The following RPSA variants were observed in gnomAD, a reference collection of about 807,000 sequenced individuals.
RPSA encodes the protein small ribosomal subunit protein uS2.
For synonymous variants in RPSA, 103 were observed against 126.7 expected (o/e 0.81, Z 1.25); for missense variants, 140 against 372.8 (o/e 0.38, Z 5.14).
Position 39,408,661 on chromosome 3 carries a change from T to A in RPSA, c.189T>A (p.Arg63=), listed in dbSNP as rs2125592401. The change falls in exon 3 of 7, where the codon CGT becomes CGA. Residue 63 remains arginine, a synonymous_variant. Coordinates refer to ENST00000301821, the MANE Select transcript of RPSA (RefSeq NM_002295.6). ...RTWEKLLLAA[R]AIVAIENPAD... is the part of the protein sequence containing the mutation. ...GGGAGAAGCTTCTGCTGGCAGCTCG[T>A]GCAATTGTTGCCATTGAAAACCCTG... is the stretch of plus-strand genomic sequence containing the variant. 3 of 1,613,796 alleles carry A rather than the reference T, an allele frequency of 1.9e-6. No homozygotes were observed. In the African/African-American group the frequency reaches 4.0e-5, roughly 22 times the overall value.
intron 3 of RPSA, 43 bp downstream of exon 3, chr3:39,408,767 C>T (rs765243939): frequency 9.2e-7 from 1 of 1,083,176 alleles, no homozygotes; most frequent in Non-Finnish European, 1.4e-6. Flanking sequence ...AGAAATAAAG[C>T]TTACAGACAT....
At chr3:39,408,505 A>G (rs777216757) in intron 2 of RPSA, 101 bp from the exon 3 acceptor site, 17 of 802,706 alleles carry the variant, frequency 2.1e-5, no homozygotes, top group Non-Finnish European at 3.4e-5. Context: ...GCTTGCCTCT[A>G]TGACTGGAGT....
At chr3:39,407,547 T>C (rs1281333829) in intron 1 of RPSA, 74 bp from the exon 2 acceptor site, 1 of 1,093,056 alleles carries the variant, frequency 9.1e-7, no homozygotes, top group African/African-American at 1.5e-5. Context: ...CAGATGGAGT[T>C]TTTGGTTGCT....
intron 2 of RPSA, chr3:39,408,289 A>T: frequency 4.0e-6 from 2 of 505,838 alleles, no homozygotes; most frequent in Non-Finnish European, 3.7e-6. Context: ...TATAAAAGGG[A>T]AAGAGTGGCA....
At position 39,410,367 on chromosome 3, in the gene RPSA, G is replaced by C. The variant is rs1193665892; in HGVS notation, c.253-387G>C. 3.6e-5 allele frequency: 9 copies of C among 250,500 alleles called. No individual in the cohort carries two copies. In the East Asian group the frequency reaches 7.9e-4, roughly 22 times the overall value. 15.5% of individuals were successfully genotyped at this position (250,500 alleles called of 1,614,324 possible). On this transcript the variant is annotated intron_variant, in intron 3 of 6. Transcript: ENST00000301821. ...CAATGTTGACAGGACGGGTTCCCAT[G>C]TGTGTTTTTGCAGAGGGTTATTCCT... is the stretch of plus-strand genomic sequence containing the variant.
Position 39,408,837 on chromosome 3 carries a change from G to C in RPSA, c.252+113G>C. 4.0e-6 allele frequency: 3 copies of C among 741,354 alleles called. No homozygotes were observed. The South Asian group carries it at 4.4e-5, about 11-fold the overall frequency. The allele number at this position is 741,354 out of a possible 1,614,324, so 45.9% of individuals were successfully genotyped here. A position where few individuals can be genotyped will look rare whatever the true frequency, so the allele number is the denominator to read the frequency against. ...AACTCAGGCCGGGCGCGGTGGCTAC[G>C]CCTGTAATCCCAGCACTTTGGGAGG... On this transcript the variant is annotated intron_variant, in intron 3 of 6. Transcript: ENST00000301821.
At chr3:39,407,250 T>C (rs1410791454) in intron 1 of RPSA, among the ~76,000 whole-genome samples, 2 of 152,232 alleles carry the variant, frequency 1.3e-5, no homozygotes, top group African/African-American at 4.8e-5. Flanking sequence ...CTTGAAAATG[T>C]CTGAAAACAA....
chr3:39,410,680 C>A, intron 3 of RPSA, 74 bp from the exon 4 acceptor site: 1 of 1,590,976 alleles, frequency 6.3e-7, no homozygotes, highest in Non-Finnish European at 8.6e-7. Flanking sequence ...TGGCCAGTGC[C>A]CAGAAGTGCT....
Position 39,411,620 on chromosome 3 carries a change from A to T in RPSA, c.499-29A>T, listed in dbSNP as rs750448267. ...TGCTGTTTGGGTTTGACCAAGTGTC[A>T]CTTTTTAATAATCTGCCACTCTTGG... is the stretch of plus-strand genomic sequence containing the variant. On this transcript the variant is annotated intron_variant, in intron 4 of 6. Transcript: ENST00000301821. 5.6e-6 allele frequency: 9 copies of T among 1,609,168 alleles called. No homozygotes were observed. In the East Asian group the frequency reaches 2.0e-4, roughly 36 times the overall value.
At chr3:39,407,816 C>T (rs758425347) in intron 2 of RPSA, 30 bp downstream of exon 2, 1 of 1,583,828 alleles carries the variant, frequency 6.3e-7, no homozygotes, top group African/African-American at 1.3e-5. Flanking sequence ...TTTTGTTACT[C>T]CAGCTGTAAG....
At chr3:39,410,483 C>T in intron 3 of RPSA, 1 of 470,504 alleles carries the variant, frequency 2.1e-6, no homozygotes, top group Non-Finnish European at 3.9e-6. Flanking sequence ...AGTGACAGTT[C>T]TTGCTTGCTT....
At position 39,412,468 on chromosome 3, in the gene RPSA, C is replaced by T. The variant is rs2042018639; in HGVS notation, c.*100C>T. The T allele has an allele frequency of 1.5e-6, 1 of 687,052 alleles. No homozygotes were observed. Among genetic ancestry groups the T allele is most frequent in the Non-Finnish European group, 2.5e-6 (1 of 399,560 alleles). The allele number at this position is 687,052 out of a possible 1,614,324, so 42.6% of individuals were successfully genotyped here. A position where few individuals can be genotyped will look rare whatever the true frequency, so the allele number is the denominator to read the frequency against. On this transcript the variant is annotated 3_prime_UTR_variant, in exon 7 of 7. Transcript: ENST00000301821. ...TCTTCATTTAGTTTGCTTTTTACTC[C>T]AGATCAGAATACCTGGGATTGCATA...
rs3772142 is a variant in RPSA, at chr3:39,407,241, T to A, written c.-33-380T>A. 2.4e-4 allele frequency among the ~76,000 whole-genome samples: 36 copies of A among 152,350 alleles called. No homozygotes were observed. In the East Asian group the frequency reaches 5.8e-3, roughly 24 times the overall value. On this transcript the variant is annotated intron_variant, in intron 1 of 6. Transcript: ENST00000301821. ...TCCAAAGCATCCGCCTACAATCTGC[T>A]TGAAAATGTCTGAAAACAATTCATG...
At chr3:39,407,006 C>T in intron 1 of RPSA, 1 of 453,428 alleles carries the variant, frequency 2.2e-6, no homozygotes, top group Non-Finnish European at 4.4e-6. Context: ...GGGGTTCGGA[C>T]CAGGCCGCGG....
intron 3 of RPSA, among the ~76,000 whole-genome samples, chr3:39,409,636 G>GT (rs1037395368): frequency 7.2e-5 from 11 of 152,266 alleles, no homozygotes; most frequent in African/African-American, 2.6e-4. Context: ...CATAGTCAAA[G>GT]TTTTTACCTT....
intron 3 of RPSA, 105 bp downstream of exon 3, chr3:39,408,829 G>A: frequency 1.3e-6 from 1 of 784,222 alleles, no homozygotes; most frequent in Non-Finnish European, 2.3e-6. Flanking sequence ...GCCGGGCGCG[G>A]TGGCTACGCC....
chr3:39,408,000 CT>C (rs2041944497), intron 2 of RPSA: 4 of 526,936 alleles, frequency 7.6e-6, no homozygotes, highest in Non-Finnish European at 1.4e-5. Flanking sequence ...AGTTACGGGA[CT>C]TGGGTTGGGT....
At chr3:39,408,517 T>C (rs2041954947) in intron 2 of RPSA, 89 bp from the exon 3 acceptor site, 1 of 831,384 alleles carries the variant, frequency 1.2e-6, no homozygotes, top group African/African-American at 1.7e-5. Context: ...GACTGGAGTT[T>C]GGTAGTACTC....
In RPSA at chr3:39,407,640, G is replaced by A. The variant is rs768852351; in HGVS notation, c.-14G>A. On this transcript the variant is annotated 5_prime_UTR_variant, in exon 2 of 7. Transcript: ENST00000301821. ...TTTCAGATTCCCGTCGTAACTTAAA[G>A]GGAAATTTTCACAATGTCCGGAGCC... 1 of 1,594,222 alleles carries A rather than the reference G, an allele frequency of 6.3e-7. No homozygotes were observed. Among genetic ancestry groups the A allele is most frequent in the South Asian group, 1.1e-5 (1 of 90,982 alleles).
Sources: gnomAD v4.1 joint callset for allele counts (sites outside exome capture counted in the v4.1 genomes callset) on GRCh38, gnomAD v4.1.1 for gene constraint, MANE v1.5 for transcripts, NCBI Gene and HGNC (gene_info 2026-07-23, HGNC 2026-07-21) for gene names.